The following NBN variants were observed in gnomAD, a reference collection of about 807,000 sequenced individuals.
The protein encoded by NBN is nibrin, also known as Nijmegen breakage syndrome 1 (nibrin).
In NBN, 88 loss-of-function variants were observed where a neutral mutation model predicts 90.8. That is an observed-to-expected ratio of 0.97 (90% CI 0.82 to 1.16). NBN has a LOEUF of 1.16. NBN is among the 50% of genes most tolerant of loss of function. The pLI, the probability that NBN is intolerant of heterozygous loss-of-function variation, is 0.00. For missense variants in NBN, 894 were observed against 869.6 expected, an observed-to-expected ratio of 1.03 and a Z score of -0.35; for synonymous variants, 328 against 295.1, an observed-to-expected ratio of 1.11 and a Z score of -1.14.
rs709816 is a variant in NBN at position 89,955,483 on chromosome 8, A to G, written c.1197T>C (p.Asp399=). The G allele has an allele frequency of 0.41, 659,535 of 1,612,850 alleles. 145,187 individuals carry two copies. Among genetic ancestry groups the G allele is most frequent in the African/African-American group, 0.78 (58,081 of 74,864 alleles). Residue 399 remains aspartate (D), a synonymous_variant, in exon 10 of 16, where the codon GAT becomes GAC. Transcript: ENST00000265433. ...MEQKFRMLSQ[D]APTVKESCKT... ...TGCAGGACTCCTTTACAGTGGGTGC[A>G]TCTTGTGAAAGCATTCTGAATTTTT...
intron 11 of NBN, among the ~76,000 whole-genome samples, chr8:89,950,772 GT>G: frequency 6.6e-6 from 1 of 152,250 alleles, no homozygotes; most frequent in East Asian, 1.9e-4. Flanking sequence ...ATGAAAGACT[GT>G]TTGATGGCTC....
At chr8:89,952,796 G>A (rs1160850581) in intron 11 of NBN, among the ~76,000 whole-genome samples, 2 of 152,088 alleles carry the variant, frequency 1.3e-5, no homozygotes, top group African/African-American at 4.8e-5. Flanking sequence ...ATCAAAGTGG[G>A]TAAGACAAAT....
chr8:89,955,403 A>G lies in NBN; in HGVS notation c.1277T>C (p.Ile426Thr). The G allele has an allele frequency of 6.2e-7, 1 of 1,613,776 alleles. No homozygotes were observed. The highest frequency in any genetic ancestry group is 8.5e-7 in the Non-Finnish European group (1 of 1,179,794). Reference protein sequence around the residue: ...MVSNTLAKMRIPNYQLSPTKL... With the variant: ...MVSNTLAKMRTPNYQLSPTKL... ...AGTTGGTGAAAGCTGATAGTTTGGG[A>G]TTCTCATCTTAGCCAAAGTATTTGA... The change falls in exon 10 of 16, where the codon ATC (isoleucine) becomes ACC (threonine). Residue 426 changes from isoleucine (I) to threonine (T), a missense_variant. By Grantham distance (89) the Ile-to-Thr change is moderately conservative (BLOSUM62 -1). Coordinates refer to ENST00000265433, the MANE Select transcript of NBN (RefSeq NM_002485.5).
intron 5 of NBN, among the ~76,000 whole-genome samples, chr8:89,971,514 T>A (rs778292997): frequency 6.6e-6 from 1 of 152,130 alleles, no homozygotes; most frequent in African/African-American, 2.4e-5. Context: ...GAATTGATCA[T>A]TAATATCTCA....
At chr8:89,973,823 C>T (rs1201438090) in intron 5 of NBN, among the ~76,000 whole-genome samples, 1 of 152,030 alleles carries the variant, frequency 6.6e-6, no homozygotes, top group East Asian at 1.9e-4. Context: ...CTGAATATAA[C>T]GATACTACAA....
rs3026268 is a variant in NBN at position 89,953,600 on chromosome 8, T to C, written c.1489A>G (p.Thr497Ala). ...CSLLEQTQPA[T>A]PSLWKNKEQH... ...TCCTTATTTTTCCACAATGAGGGTG[T>C]AGCAGGTTGTGTTTGTTCTAAAAGA... is the stretch of plus-strand genomic sequence containing the variant. The change falls in exon 11 of 16, where the codon ACA becomes GCA. Residue 497 changes from threonine (T) to alanine (A), a missense_variant. Transcript: ENST00000265433. 1.3e-3 allele frequency: 2,019 copies of C among 1,613,508 alleles called. 23 individuals carry two copies. The African/African-American group carries it at 0.024, about 19-fold the overall frequency.
Position 89,984,571 on chromosome 8 carries a change from T to A in NBN, c.-10A>T, listed in dbSNP as rs759094270. 80 of 1,612,780 alleles carry A rather than the reference T, an allele frequency of 5.0e-5. No individual in the cohort carries two copies. Among genetic ancestry groups the A allele is most frequent in the Non-Finnish European group, 6.4e-5 (75 of 1,179,740 alleles). The stretch of plus-strand genomic sequence containing the variant: ...GCAGCAGTTTCCACATCGGTCCGGC[T>A]CCTCAGGGCTGGGGCCGACGTGCAA... On this transcript the variant is annotated 5_prime_UTR_variant, in exon 1 of 16. Coordinates refer to ENST00000265433, the MANE Select transcript of NBN (RefSeq NM_002485.5).
At chr8:89,947,447 T>C (rs777142983) in intron 12 of NBN, among the ~76,000 whole-genome samples, 1 of 151,924 alleles carries the variant, frequency 6.6e-6, no homozygotes, top group Non-Finnish European at 1.5e-5. Context: ...CTGACCAACA[T>C]AGAGAAACCC....
chr8:89,950,844 G>A (rs1404862185), intron 11 of NBN, among the ~76,000 whole-genome samples: 1 of 152,130 alleles, frequency 6.6e-6, no homozygotes, highest in African/African-American at 2.4e-5. Flanking sequence ...CTAATGCCCA[G>A]TGCCCTGAGT....
At chr8:89,958,495 G>A (rs1197492154) in intron 9 of NBN, among the ~76,000 whole-genome samples, 2 of 152,172 alleles carry the variant, frequency 1.3e-5, no homozygotes, top group African/African-American at 4.8e-5. Context: ...CAGTGGCAGA[G>A]TGGAGGAGCT....
chr8:89,963,484 TAGAG>T (rs1453508793), intron 8 of NBN, among the ~76,000 whole-genome samples: 1 of 152,082 alleles, frequency 6.6e-6, no homozygotes. Context: ...TAAAAGTTAG[TAGAG>T]AGAATAAATG....
At chr8:89,969,496 C>G (rs1030461703) in intron 7 of NBN, among the ~76,000 whole-genome samples, 3 of 152,124 alleles carry the variant, frequency 2.0e-5, no homozygotes, top group African/African-American at 7.2e-5. Flanking sequence ...AAACTTAACA[C>G]TACTTTGTTA....
chr8:89,951,826 C>G (rs1183925618), intron 11 of NBN, among the ~76,000 whole-genome samples: 1 of 152,130 alleles, frequency 6.6e-6, no homozygotes, highest in African/African-American at 2.4e-5. Flanking sequence ...ATTCAACATT[C>G]ATTCTCTCTT....
intron 9 of NBN, 132 bp downstream of exon 9, chr8:89,958,593 A>AT: frequency 8.8e-7 from 1 of 1,135,924 alleles, no homozygotes; most frequent in Non-Finnish European, 1.3e-6. Context: ...CTAAGATATC[A>AT]TTTTCCCTGG....
chr8:89,950,287 A>T (rs1486823908), intron 11 of NBN, among the ~76,000 whole-genome samples: 1 of 152,342 alleles, frequency 6.6e-6, no homozygotes, highest in East Asian at 1.9e-4. Context: ...GATAAAAAAA[A>T]GCATAAATTT....
In NBN at chr8:89,953,417, T is replaced by G. The variant is rs876659451; in HGVS notation, c.1672A>C (p.Ile558Leu). ...AACTGTTCCAATACTTCATCTTCTA[T>G]GGCCACATCATCCATTTCCCTTTTT... Reference protein sequence around the residue: ...NKKREMDDVAIEDEVLEQLFK... With the variant: ...NKKREMDDVALEDEVLEQLFK... The change falls in exon 11 of 16, where the codon ATA (isoleucine) becomes CTA (leucine). Residue 558 changes from isoleucine to leucine, a missense_variant. Coordinates refer to ENST00000265433, the MANE Select transcript of NBN (RefSeq NM_002485.5). 6.2e-7 allele frequency: 1 copy of G among 1,613,896 alleles called. No individual in the cohort carries two copies. Among genetic ancestry groups the G allele is most frequent in the African/African-American group, 1.3e-5 (1 of 75,058 alleles).
intron 14 of NBN, among the ~76,000 whole-genome samples, chr8:89,937,652 A>C (rs2697679): frequency 0.47 from 72,202 of 152,034 alleles, 19,305 homozygotes; most frequent in African/African-American, 0.75. Flanking sequence ...TATCATATGC[A>C]ATTTGAAACC....
intron 13 of NBN, among the ~76,000 whole-genome samples, chr8:89,944,023 A>T (rs903979181): frequency 1.3e-5 from 2 of 152,194 alleles, no homozygotes. Flanking sequence ...GAGAATTTTA[A>T]ATTTATTTTC....
intron 14 of NBN, among the ~76,000 whole-genome samples, chr8:89,937,984 T>G (rs1361910014): frequency 6.6e-6 from 1 of 152,228 alleles, no homozygotes; most frequent in Non-Finnish European, 1.5e-5. Context: ...GTACATTCAT[T>G]CAATACTTAT....
Sources: allele counts gnomAD v4.1 joint callset (sites outside exome capture counted in the v4.1 genomes callset), GRCh38; gene constraint gnomAD v4.1.1; transcripts MANE v1.5; gene names NCBI Gene and HGNC (gene_info 2026-07-23, HGNC 2026-07-21).